The following OR6C75 variants were observed in gnomAD, a reference collection of about 807,000 sequenced individuals.
OR6C75 encodes olfactory receptor 6C75.
For synonymous variants in OR6C75, 149 were observed against 130.6 expected (o/e 1.14, Z -0.96); for missense variants, 380 against 368.0 (o/e 1.03, Z -0.27).
Position 55,367,022 on chromosome 12 carries a change from C to T in OR6C75, c.*973C>T, listed in dbSNP as rs1270737324. On this transcript the variant is annotated 3_prime_UTR_variant, in exon 3 of 3. Transcript: ENST00000641576. ...AGTAAGAGTCTACAATGGTGTGATA[C>T]TGCCCTTTTATAAGGTATTCGGCGA... is the stretch of plus-strand genomic sequence containing the variant. 4 of 152,160 alleles carry T rather than the reference C, an allele frequency of 2.6e-5. No homozygotes were observed. The highest frequency in any genetic ancestry group is 4.4e-5 in the Non-Finnish European group (3 of 68,024). The allele number at this position is 152,160 out of a possible 1,614,324, so 9.4% of individuals were successfully genotyped here.
In OR6C75 at chr12:55,369,087, G is replaced by C. The variant is rs1324756100; in HGVS notation, c.*3038G>C. On this transcript the variant is annotated 3_prime_UTR_variant, in exon 3 of 3. Coordinates refer to ENST00000641576, the MANE Select transcript of OR6C75 (RefSeq NM_001005497.2). The stretch of plus-strand genomic sequence containing the variant: ...AACATGCAAACGTTAACTAAGTGAA[G>C]ATAAAGTATATATACATATACAACT... 6.7e-5 allele frequency: 10 copies of C among 149,316 alleles called. No individual in the cohort carries two copies. The highest frequency in any genetic ancestry group is 1.5e-5 in the Non-Finnish European group (1 of 67,476). 9.2% of individuals were successfully genotyped at this position (149,316 alleles called of 1,614,324 possible). A position where few individuals can be genotyped will look rare whatever the true frequency, so the allele number is the denominator to read the frequency against.
rs373163100 is a variant in OR6C75, at chr12:55,365,831, T to A, written c.721T>A (p.Ser241Thr). ...GAAAAAAGCCTTTTCCACTTGCTCCTCCCATATGATAGTTGTCTCCATCTC... is the reference window on the plus strand; with the variant it reads ...GAAAAAAGCCTTTTCCACTTGCTCCACCCATATGATAGTTGTCTCCATCTC... ...QRKKAFSTCS[S>T]HMIVVSISYS... Residue 241 changes from serine to threonine, a missense_variant, in exon 3 of 3, where the codon TCC becomes ACC. Physicochemically the swap from Ser to Thr is moderately conservative, Grantham distance 58. Coordinates refer to ENST00000641576, the MANE Select transcript of OR6C75 (RefSeq NM_001005497.2). 47 of 1,613,692 alleles carry A rather than the reference T, an allele frequency of 2.9e-5. No individual in the cohort carries two copies. Among genetic ancestry groups the A allele is most frequent in the Non-Finnish European group, 1.3e-5 (15 of 1,179,944 alleles).
chr12:55,365,842 A>C lies in OR6C75; in HGVS notation c.732A>C (p.Ile244=), dbSNP rs1869788917. 6.2e-7 allele frequency: 1 copy of C among 1,613,726 alleles called. No individual in the cohort carries two copies. Among genetic ancestry groups the C allele is most frequent in the African/African-American group, 1.3e-5 (1 of 74,934 alleles). The change falls in exon 3 of 3, where the codon ATA becomes ATC. Residue 244 remains isoleucine (I), a synonymous_variant. Transcript: ENST00000641576. ...TTTCCACTTGCTCCTCCCATATGATAGTTGTCTCCATCTCTTACAGTAGCT... is the reference window on the plus strand; with the variant it reads ...TTTCCACTTGCTCCTCCCATATGATCGTTGTCTCCATCTCTTACAGTAGCT... ...KAFSTCSSHM[I]VVSISYSSCI... is the part of the protein sequence containing the mutation.
At position 55,368,532 on chromosome 12, in the gene OR6C75, G is replaced by A. The variant is rs1028750452; in HGVS notation, c.*2483G>A. 2.6e-5 allele frequency: 4 copies of A among 152,190 alleles called. No individual in the cohort carries two copies. Among genetic ancestry groups the A allele is most frequent in the African/African-American group, 7.2e-5 (3 of 41,434 alleles). The allele number at this position is 152,190 out of a possible 1,614,324, so 9.4% of individuals were successfully genotyped here. ...AAGAATCGCTTGAGTACAGGAGGTGGAGGCTACAGTGAGCCAAGATTGCAC... is the reference window on the plus strand; with the variant it reads ...AAGAATCGCTTGAGTACAGGAGGTGAAGGCTACAGTGAGCCAAGATTGCAC... On this transcript the variant is annotated 3_prime_UTR_variant, in exon 3 of 3. Transcript: ENST00000641576.
rs542059995 is a variant in OR6C75, at chr12:55,369,185, G to C, written c.*3136G>C. The C allele has an allele frequency of 6.6e-6, 1 of 151,862 alleles. No homozygotes were observed. Among genetic ancestry groups the C allele is most frequent in the African/African-American group, 2.4e-5 (1 of 41,510 alleles). 9.4% of individuals were successfully genotyped at this position (151,862 alleles called of 1,614,324 possible). On this transcript the variant is annotated 3_prime_UTR_variant, in exon 3 of 3. Transcript: ENST00000641576. ...AGAAGAGAAACTGGAAAATTAGAGA[G>C]TAAGGGAAAGTAAATTTTCTTAATC...
Position 55,367,154 on chromosome 12 carries a change from A to G in OR6C75, c.*1105A>G, listed in dbSNP as rs939744458. The G allele has an allele frequency of 2.6e-5, 4 of 152,146 alleles. No homozygotes were observed. The highest frequency in any genetic ancestry group is 6.6e-5 in the Admixed American group (1 of 15,266). 9.4% of individuals were successfully genotyped at this position (152,146 alleles called of 1,614,324 possible). On this transcript the variant is annotated 3_prime_UTR_variant, in exon 3 of 3. Transcript: ENST00000641576. ...TTCACAGGTTTCACTCCCCTCACCT[A>G]TATCCAAGAAAATGACTTTTAGAGG... is the stretch of plus-strand genomic sequence containing the variant.
intron 2 of OR6C75, among the ~76,000 whole-genome samples, chr12:55,364,236 C>G (rs900257863): frequency 2.0e-5 from 3 of 149,708 alleles, no homozygotes; most frequent in South Asian, 4.2e-4. Context: ...CCTCAGCCCC[C>G]CAAAGTGCTG....
rs372581963 is a variant in OR6C75 at position 55,368,773 on chromosome 12, A to C, written c.*2724A>C. On this transcript the variant is annotated 3_prime_UTR_variant, in exon 3 of 3. Transcript: ENST00000641576. ...TACAGGTGAATGTAAAGAGCTCTAC[A>C]GGTTTTCTAAGTCTGTGACAAATAC... 13 of 152,262 alleles carry C rather than the reference A, an allele frequency of 8.5e-5. No individual in the cohort carries two copies. The East Asian group carries it at 1.9e-3, about 23-fold the overall frequency. 9.4% of individuals were successfully genotyped at this position (152,262 alleles called of 1,614,324 possible). A position where few individuals can be genotyped will look rare whatever the true frequency, so the allele number is the denominator to read the frequency against.
In OR6C75 at chr12:55,366,584, T is replaced by G. The variant is rs933679970; in HGVS notation, c.*535T>G. ...GTATCTTAATTAATATATCTAAAAT[T>G]TTTTCTTCAATGTCACCAGGAAAAA... On this transcript the variant is annotated 3_prime_UTR_variant, in exon 3 of 3. Coordinates refer to ENST00000641576, the MANE Select transcript of OR6C75 (RefSeq NM_001005497.2). The G allele has an allele frequency of 2.0e-5, 3 of 152,082 alleles. No individual in the cohort carries two copies. The highest frequency in any genetic ancestry group is 4.4e-5 in the Non-Finnish European group (3 of 67,998). The allele number at this position is 152,082 out of a possible 1,614,324, so 9.4% of individuals were successfully genotyped here.
rs1222225416 is a variant in OR6C75, at chr12:55,368,265, G to A, written c.*2216G>A. 1 of 152,090 alleles carries A rather than the reference G, an allele frequency of 6.6e-6. No individual in the cohort carries two copies. The highest frequency in any genetic ancestry group is 2.4e-5 in the African/African-American group (1 of 41,370). The allele number at this position is 152,090 out of a possible 1,614,324, so 9.4% of individuals were successfully genotyped here. A position where few individuals can be genotyped will look rare whatever the true frequency, so the allele number is the denominator to read the frequency against. Reference sequence around the variant, plus strand: ...GGCTGAGGCTGGTGGATCACTTGAGGCCAGGAGTTCAAGACCAGCCTGGAC... The same window carrying A: ...GGCTGAGGCTGGTGGATCACTTGAGACCAGGAGTTCAAGACCAGCCTGGAC... On this transcript the variant is annotated 3_prime_UTR_variant, in exon 3 of 3. Coordinates refer to ENST00000641576, the MANE Select transcript of OR6C75 (RefSeq NM_001005497.2).
Position 55,368,753 on chromosome 12 carries a change from G to GTGAA in OR6C75, c.*2707_*2710dup, listed in dbSNP as rs1171979117. 2.0e-5 allele frequency: 3 copies of GTGAA among 152,128 alleles called. No individual in the cohort carries two copies. The highest frequency in any genetic ancestry group is 7.2e-5 in the African/African-American group (3 of 41,430). 9.4% of individuals were successfully genotyped at this position (152,128 alleles called of 1,614,324 possible). On this transcript the variant is annotated 3_prime_UTR_variant, in exon 3 of 3. Coordinates refer to ENST00000641576, the MANE Select transcript of OR6C75 (RefSeq NM_001005497.2). ...ATTTTCAGCTTTGTCTGATATACAG[G>GTGAA]TGAATGTAAAGAGCTCTACAGGTTT...
chr12:55,366,905 C>T lies in OR6C75; in HGVS notation c.*856C>T, dbSNP rs1358914326. ...TTCTGCCAATATTTTAAAAGAAAAA[C>T]CATGATCTATGAAGGCAATTCATAT... On this transcript the variant is annotated 3_prime_UTR_variant, in exon 3 of 3. Transcript: ENST00000641576. The T allele has an allele frequency of 6.6e-6, 1 of 151,902 alleles. No individual in the cohort carries two copies. The highest frequency in any genetic ancestry group is 1.5e-5 in the Non-Finnish European group (1 of 67,964). The allele number at this position is 151,902 out of a possible 1,614,324, so 9.4% of individuals were successfully genotyped here. A position where few individuals can be genotyped will look rare whatever the true frequency, so the allele number is the denominator to read the frequency against.
Position 55,368,809 on chromosome 12 carries a change from A to G in OR6C75, c.*2760A>G, listed in dbSNP as rs1869861601. 2.0e-5 allele frequency: 3 copies of G among 152,086 alleles called. No homozygotes were observed. Among genetic ancestry groups the G allele is most frequent in the Admixed American group, 2.0e-4 (3 of 15,242 alleles). 9.4% of individuals were successfully genotyped at this position (152,086 alleles called of 1,614,324 possible). The stretch of plus-strand genomic sequence containing the variant: ...GTCTGTGACAAATACTTTTTTTTAT[A>G]GATGTGAGCGTCCTTCAGCACTTGT... On this transcript the variant is annotated 3_prime_UTR_variant, in exon 3 of 3. Transcript: ENST00000641576.
Position 55,366,089 on chromosome 12 carries a change from G to A in OR6C75, c.*40G>A, listed in dbSNP as rs1290935190. The stretch of plus-strand genomic sequence containing the variant: ...AAAATGTACCCCCAAAGGCAAAGCT[G>A]AATGAAAAACTCTCTACCCTTCTCT... On this transcript the variant is annotated 3_prime_UTR_variant, in exon 3 of 3. Transcript: ENST00000641576. The A allele has an allele frequency of 7.8e-7, 1 of 1,280,742 alleles. No individual in the cohort carries two copies. The highest frequency in any genetic ancestry group is 1.1e-6 in the Non-Finnish European group (1 of 926,578). 79.3% of individuals were successfully genotyped at this position (1,280,742 alleles called of 1,614,324 possible). A position where few individuals can be genotyped will look rare whatever the true frequency, so the allele number is the denominator to read the frequency against.
rs1869798291 is a variant in OR6C75, at chr12:55,366,086, G to A, written c.*37G>A. Reference sequence around the variant, plus strand: ...TAAAAAATGTACCCCCAAAGGCAAAGCTGAATGAAAAACTCTCTACCCTTC... The same window carrying A: ...TAAAAAATGTACCCCCAAAGGCAAAACTGAATGAAAAACTCTCTACCCTTC... On this transcript the variant is annotated 3_prime_UTR_variant, in exon 3 of 3. Transcript: ENST00000641576. 4 of 1,328,178 alleles carry A rather than the reference G, an allele frequency of 3.0e-6. No individual in the cohort carries two copies. In the African/African-American group the frequency reaches 4.4e-5, roughly 15 times the overall value. 82.3% of individuals were successfully genotyped at this position (1,328,178 alleles called of 1,614,324 possible).
chr12:55,369,275 A>G lies in OR6C75; in HGVS notation c.*3226A>G, dbSNP rs1869871706. Reference sequence around the variant, plus strand: ...TAAATGTAAACCCATGAAAATCACTATGAATCTTTCCTTAAGTAGTATTAT... The same window carrying G: ...TAAATGTAAACCCATGAAAATCACTGTGAATCTTTCCTTAAGTAGTATTAT... On this transcript the variant is annotated 3_prime_UTR_variant, in exon 3 of 3. Coordinates refer to ENST00000641576, the MANE Select transcript of OR6C75 (RefSeq NM_001005497.2). 1 of 151,712 alleles carries G rather than the reference A, an allele frequency of 6.6e-6. No individual in the cohort carries two copies. The highest frequency in any genetic ancestry group is 6.6e-5 in the Admixed American group (1 of 15,228). 9.4% of individuals were successfully genotyped at this position (151,712 alleles called of 1,614,324 possible). A position where few individuals can be genotyped will look rare whatever the true frequency, so the allele number is the denominator to read the frequency against.
At position 55,366,122 on chromosome 12, in the gene OR6C75, CTCTT is replaced by C; in HGVS notation, c.*77_*80del. 1.2e-6 allele frequency: 1 copy of C among 855,198 alleles called. No homozygotes were observed. The highest frequency in any genetic ancestry group is 1.8e-6 in the Non-Finnish European group (1 of 558,506). 53.0% of individuals were successfully genotyped at this position (855,198 alleles called of 1,614,324 possible). ...AACTCTCTACCCTTCTCTACATGAACTCTTTCTAAACACCTTATTTCACACTTTT... is the reference window on the plus strand; with the variant it reads ...AACTCTCTACCCTTCTCTACATGAACTCTAAACACCTTATTTCACACTTTT... On this transcript the variant is annotated 3_prime_UTR_variant, in exon 3 of 3. Transcript: ENST00000641576.
Position 55,366,095 on chromosome 12 carries a change from A to G in OR6C75, c.*46A>G. 8.9e-7 allele frequency: 1 copy of G among 1,126,942 alleles called. No individual in the cohort carries two copies. 69.8% of individuals were successfully genotyped at this position (1,126,942 alleles called of 1,614,324 possible). A position where few individuals can be genotyped will look rare whatever the true frequency, so the allele number is the denominator to read the frequency against. On this transcript the variant is annotated 3_prime_UTR_variant, in exon 3 of 3. Transcript: ENST00000641576. ...TACCCCCAAAGGCAAAGCTGAATGA[A>G]AAACTCTCTACCCTTCTCTACATGA...
In OR6C75 at chr12:55,365,644, C is replaced by T. The variant is rs1273966672; in HGVS notation, c.534C>T (p.Asp178=). 1 of 1,614,038 alleles carries T rather than the reference C, an allele frequency of 6.2e-7. No individual in the cohort carries two copies. Residue 178 remains aspartate, a synonymous_variant, in exon 3 of 3, where the codon GAC becomes GAT. Coordinates refer to ENST00000641576, the MANE Select transcript of OR6C75 (RefSeq NM_001005497.2). The part of the protein sequence containing the change: ...ASNVIDHFIC[D]SSPMLQLSCT... ...ATGTAATTGATCATTTTATCTGTGA[C>T]TCTTCTCCAATGCTGCAGCTCTCTT...
Sources: allele counts gnomAD v4.1 joint callset (sites outside exome capture counted in the v4.1 genomes callset), GRCh38; gene constraint gnomAD v4.1.1; transcripts MANE v1.5; gene names NCBI Gene and HGNC (gene_info 2026-07-23, HGNC 2026-07-21).